DHX37: variants seen among roughly 807,000 people sequenced by gnomAD.
DHX37 encodes the protein probable ATP-dependent RNA helicase DHX37.
Under a neutral mutation model 134.3 loss-of-function variants are expected in DHX37, and 52 were observed. The ratio of observed to expected loss-of-function variants is 0.39; its 90% CI spans 0.31 to 0.49. The LOEUF is 0.49. DHX37 is among the 20% of genes least tolerant of loss of function. The probability of loss-of-function intolerance (pLI) is 0.93; values close to 1 mark genes in which losing one functional copy is unlikely to be tolerated. For synonymous variants in DHX37, 634 were observed against 670.7 expected (o/e 0.95, Z 0.85); for missense variants, 1,344 against 1,580.8 (o/e 0.85, Z 2.54).
chr12:124,954,378 C>A (rs980299228), intron 18 of DHX37, among the ~76,000 whole-genome samples, 167 bp from the exon 19 acceptor site: 6 of 152,092 alleles, frequency 3.9e-5, no homozygotes, highest in Admixed American at 2.6e-4. Context: ...TTGGCAGCCA[C>A]CGCTGCACTG....
In DHX37 at chr12:124,966,863, T is replaced by A; in HGVS notation, c.1520A>T (p.Gln507Leu). Residue 507 changes from glutamine (Q) to leucine (L), a missense_variant, in exon 12 of 27, where the codon CAG becomes CTG. Physicochemically the swap from Gln to Leu is moderately radical, Grantham distance 113. This residue lies in a region of DHX37 where 289 missense variants were observed against 323.8 expected (regional missense o/e 0.89). Transcript: ENST00000308736. ...CCGCATTTCCTCCACCGAGTCTTTC[T>A]GATCGTCGTCCTTTTCTGGGAGAGG... ...RARPQEKDDD[Q>L]KDSVEEMRKF... The A allele has an allele frequency of 6.2e-7, 1 of 1,614,274 alleles. No homozygotes were observed. The highest frequency in any genetic ancestry group is 1.6e-4 in the Middle Eastern group (1 of 6,062).
In DHX37 at chr12:124,958,855, ATGT is replaced by A. The variant is rs1198075805; in HGVS notation, c.2157+1454_2157+1456del. Among the ~76,000 whole-genome samples the A allele has an allele frequency of 4.0e-5, 6 of 148,518 alleles. No homozygotes were observed. The East Asian group carries it at 1.0e-3, about 25-fold the overall frequency. Reference sequence around the variant, plus strand: ...TGGCCAGGCTGGTCTCGAGCTCCTGATGTTGTGATCCACCCGCCTCGGCCTCCC... The same window carrying A: ...TGGCCAGGCTGGTCTCGAGCTCCTGATGTGATCCACCCGCCTCGGCCTCCC... On this transcript the variant is annotated intron_variant, in intron 16 of 26. Transcript: ENST00000308736.
At chr12:124,952,309 C>G in intron 21 of DHX37, 89 bp downstream of exon 21, 1 of 1,393,488 alleles carries the variant, frequency 7.2e-7, no homozygotes, top group Non-Finnish European at 9.5e-7. Flanking sequence ...TGAGAGGGAA[C>G]AAGCCTCCCC....
At chr12:124,974,836 G>A (rs1394434919) in intron 6 of DHX37, among the ~76,000 whole-genome samples, 1 of 151,724 alleles carries the variant, frequency 6.6e-6, no homozygotes, top group Admixed American at 6.6e-5. Flanking sequence ...GAGTGCAATG[G>A]TGCGATCTTG....
In DHX37 at chr12:124,967,146, G is replaced by T; in HGVS notation, c.1481C>A (p.Pro494Gln). The T allele has an allele frequency of 6.2e-7, 1 of 1,613,818 alleles. No homozygotes were observed. Among genetic ancestry groups the T allele is most frequent in the Non-Finnish European group, 8.5e-7 (1 of 1,180,034 alleles). Residue 494 changes from proline to glutamine, a missense_variant, in exon 11 of 27, where the codon CCA becomes CAA. By Grantham distance (76) the Pro-to-Gln change is moderately conservative. This residue lies in a region of DHX37 where 289 missense variants were observed against 323.8 expected (regional missense o/e 0.89). Transcript: ENST00000308736. Reference sequence around the variant, plus strand: ...ACCTTGTGGCCGGGCTCTGGAGGGTGGGAAAGCCTTCCTGAGCCTGCGGCA... The same window carrying T: ...ACCTTGTGGCCGGGCTCTGGAGGGTTGGAAAGCCTTCCTGAGCCTGCGGCA... ...ALCRRLRKAF[P>Q]PSRARPQEKD...
At chr12:124,977,102 G>C (rs1444775765) in intron 5 of DHX37, among the ~76,000 whole-genome samples, 1 of 151,832 alleles carries the variant, frequency 6.6e-6, no homozygotes, top group African/African-American at 2.4e-5. Flanking sequence ...TACGTGCCAG[G>C]AATTAAGTGT....
intron 3 of DHX37, among the ~76,000 whole-genome samples, chr12:124,982,247 G>C (rs539862385): frequency 6.6e-6 from 1 of 152,260 alleles, no homozygotes; most frequent in East Asian, 1.9e-4. Context: ...TGGAAGAGCT[G>C]TAACAAGGGA....
At chr12:124,985,745 T>G (rs551040715) in intron 2 of DHX37, among the ~76,000 whole-genome samples, 4 of 141,414 alleles carry the variant, frequency 2.8e-5, no homozygotes, top group East Asian at 2.1e-4. Context: ...AAAAAAAAAA[T>G]TTTTTTAAGG....
At chr12:124,969,838 T>G (rs1360638414) in intron 8 of DHX37, among the ~76,000 whole-genome samples, 1 of 151,920 alleles carries the variant, frequency 6.6e-6, no homozygotes, top group Non-Finnish European at 1.5e-5. Flanking sequence ...AAAGGATTCC[T>G]TAAGCCCAGA....
rs114074306 is a variant in DHX37, at chr12:124,950,655, T to A, written c.2983+35A>T. On this transcript the variant is annotated intron_variant, in intron 22 of 26. Transcript: ENST00000308736. ...AGCCACACCCCCATTAGCGTCACCA[T>A]CGGGGGACAAGGGGCTGTCCGCAGG... 3.5e-4 allele frequency: 558 copies of A among 1,607,648 alleles called. 1 individual carries two copies. In the African/African-American group the frequency reaches 6.5e-3, roughly 19 times the overall value.
intron 1 of DHX37, among the ~76,000 whole-genome samples, chr12:124,987,069 G>C (rs899382372): frequency 2.0e-5 from 3 of 152,134 alleles, no homozygotes; most frequent in Non-Finnish European, 2.9e-5. Flanking sequence ...AAGAGTGTAC[G>C]GTGGGGCCGG....
Position 124,982,547 on chromosome 12 carries a change from T to C in DHX37, c.353A>G (p.Lys118Arg), listed in dbSNP as rs924075043. 6 of 1,613,704 alleles carry C rather than the reference T, an allele frequency of 3.7e-6. No individual in the cohort carries two copies. In the African/African-American group the frequency reaches 8.0e-5, roughly 22 times the overall value. Reference sequence around the variant, plus strand: ...ATACATGCGGTTCCCAGTGCCTAGCTTGGAAGTGGTATAAAAGAGTCTCAT... The same window carrying C: ...ATACATGCGGTTCCCAGTGCCTAGCCTGGAAGTGGTATAAAAGAGTCTCAT... ...AEMRLFYTTSKLGTGNRMYHT... is the reference protein window; with the variant it reads ...AEMRLFYTTSRLGTGNRMYHT... Residue 118 changes from lysine (K) to arginine (R), a missense_variant, in exon 3 of 27, where the codon AAG becomes AGG. Physicochemically the swap from Lys to Arg is conservative, Grantham distance 26. Coordinates refer to ENST00000308736, the MANE Select transcript of DHX37 (RefSeq NM_032656.4).
chr12:124,977,336 C>T lies in DHX37; in HGVS notation c.887+6G>A, dbSNP rs755888995. ...ACCCAGAGAGAACCCTGTGTCCAGC[C>T]CCTACCTGCTGAAGCCTGCTTCATA... On this transcript the variant is annotated splice_donor_region_variant and intron_variant, in intron 5 of 26. Transcript: ENST00000308736. 5.2e-6 allele frequency: 8 copies of T among 1,544,370 alleles called. No individual in the cohort carries two copies. In the South Asian group the frequency reaches 8.8e-5, roughly 17 times the overall value.
chr12:124,964,217 A>G (rs957008478), intron 15 of DHX37, among the ~76,000 whole-genome samples, 177 bp downstream of exon 15: 18 of 150,570 alleles, frequency 1.2e-4, no homozygotes, highest in Non-Finnish European at 2.1e-4. Context: ...AAAAAAAAAA[A>G]TAGTGTGAGT....
At chr12:124,975,951 C>T (rs916074585) in intron 5 of DHX37, among the ~76,000 whole-genome samples, 1 of 152,258 alleles carries the variant, frequency 6.6e-6, no homozygotes, top group African/African-American at 2.4e-5. Context: ...AACAGGAGAG[C>T]TCCTTCCATT....
intron 25 of DHX37, 81 bp from the exon 26 acceptor site, chr12:124,948,262 C>G: frequency 6.6e-7 from 1 of 1,524,122 alleles, no homozygotes; most frequent in Non-Finnish European, 8.8e-7. Context: ...GCAGGGCAGG[C>G]ATCACCACCC....
At position 124,971,013 on chromosome 12, in the gene DHX37, C is replaced by T. The variant is rs191800801; in HGVS notation, c.1191+289G>A. ...CATCAACCAGCCCCATTGCGCCTGG[C>T]AAGGCATCAACACTTCTCCTGAGCC... On this transcript the variant is annotated intron_variant, in intron 8 of 26. Transcript: ENST00000308736. 8.5e-5 allele frequency among the ~76,000 whole-genome samples: 13 copies of T among 152,350 alleles called. No homozygotes were observed. The East Asian group carries it at 2.1e-3, about 25-fold the overall frequency.
At chr12:124,979,123 G>A (rs1954705434) in intron 4 of DHX37, among the ~76,000 whole-genome samples, 1 of 151,934 alleles carries the variant, frequency 6.6e-6, no homozygotes. Context: ...GCCAAAGTGG[G>A]CAGATTGCCT....
chr12:124,954,314 T>C, intron 18 of DHX37, 103 bp from the exon 19 acceptor site: 1 of 1,468,178 alleles, frequency 6.8e-7, no homozygotes, highest in Non-Finnish European at 9.1e-7. Flanking sequence ...AGAGGCCTTG[T>C]GGGGTCACTG....
Sources: allele counts gnomAD v4.1 joint callset (sites outside exome capture counted in the v4.1 genomes callset), GRCh38; gene constraint gnomAD v4.1.1; regional missense constraint gnomAD v4.1.1; transcripts MANE v1.5; gene names NCBI Gene and HGNC (gene_info 2026-07-23, HGNC 2026-07-21).